Variants in HERC2 observed in about 807,000 individuals in gnomAD.
The protein encoded by HERC2 is E3 ubiquitin-protein ligase HERC2.
A neutral mutation model predicts 537.7 loss-of-function variants in HERC2; 102 were observed. The observed-to-expected ratio is 0.19, with a 90% CI of 0.16 to 0.22. The LOEUF is 0.22. Among genes scored for constraint, HERC2 ranks in the 10% least tolerant of loss-of-function variants. The pLI is 1.00. For missense variants in HERC2, 4,236 were observed against 6,198.2 expected (o/e 0.68, Z 10.63); for synonymous variants, 2,224 against 2,466.2 (o/e 0.90, Z 2.91).
intron 35 of HERC2, among the ~76,000 whole-genome samples, chr15:28,227,168 G>A (rs557949741): frequency 7.2e-5 from 11 of 152,220 alleles, no homozygotes; most frequent in South Asian, 2.1e-4. Context: ...CCAGCTACTC[G>A]GGAGGCTGAG....
chr15:28,215,687 C>A lies in HERC2; in HGVS notation c.6144G>T (p.Trp2048Cys), dbSNP rs1485095501. ...QVCGALSSPQ[W>C]ITLLMKVVEG... ...CCACGACCTTCATGAGCAGCGTGATCCACTGCGGGGAGCTGAGGGCGCCGC... is the reference window on the plus strand; with the variant it reads ...CCACGACCTTCATGAGCAGCGTGATACACTGCGGGGAGCTGAGGGCGCCGC... The change falls in exon 39 of 93, where the codon TGG (tryptophan) becomes TGT (cysteine). Residue 2048 changes from tryptophan (W) to cysteine (C), a missense_variant. By Grantham distance (215) the Trp-to-Cys change is radical (BLOSUM62 -2). This residue lies in a region of HERC2 where 365 missense variants were observed against 468.8 expected (regional missense o/e 0.78). Coordinates refer to ENST00000261609, the MANE Select transcript of HERC2 (RefSeq NM_004667.6). 3.1e-6 allele frequency: 5 copies of A among 1,611,992 alleles called. No individual in the cohort carries two copies. The highest frequency in any genetic ancestry group is 4.2e-6 in the Non-Finnish European group (5 of 1,179,810).
At chr15:28,241,876 T>A (rs531668467) in intron 23 of HERC2, among the ~76,000 whole-genome samples, 1 of 152,100 alleles carries the variant, frequency 6.6e-6, no homozygotes, top group Non-Finnish European at 1.5e-5. Flanking sequence ...CACACCCACA[T>A]TCATAGCAGC....
Position 28,174,476 on chromosome 15 carries a change from T to C in HERC2, c.9976A>G (p.Thr3326Ala), listed in dbSNP as rs1439861840. 6.2e-7 allele frequency: 1 copy of C among 1,613,976 alleles called. No individual in the cohort carries two copies. The highest frequency in any genetic ancestry group is 1.1e-5 in the South Asian group (1 of 91,076). ...CGSSHSVAWT[T>A]VDVATPSVHE... ...ACAGAGGGCGTGGCCACATCCACAG[T>C]TGTCCACGCCACACTGTGGGACGAC... is the stretch of plus-strand genomic sequence containing the variant. The change falls in exon 65 of 93, where the codon ACT (threonine) becomes GCT (alanine). Residue 3326 changes from threonine (T) to alanine (A), a missense_variant. Coordinates refer to ENST00000261609, the MANE Select transcript of HERC2 (RefSeq NM_004667.6).
Position 28,176,417 on chromosome 15 carries a change from C to T in HERC2, c.9686+11G>A, listed in dbSNP as rs778139590. ...AGCACACACAGTGTGACAGGGAGGA[C>T]GTTTACGTACCATGTCCACACCACT... On this transcript the variant is annotated intron_variant, in intron 63 of 92. Transcript: ENST00000261609. This position sits in a 1 kb window ranked among gnomAD's most constrained non-coding sequence, Gnocchi z 5.0. 1.2e-5 allele frequency: 20 copies of T among 1,613,356 alleles called. No homozygotes were observed. Among genetic ancestry groups the T allele is most frequent in the Admixed American group, 1.7e-5 (1 of 59,978 alleles).
At chr15:28,232,409 G>A (rs941037743) in intron 30 of HERC2, among the ~76,000 whole-genome samples, 6 of 151,976 alleles carry the variant, frequency 3.9e-5, no homozygotes, top group African/African-American at 9.7e-5. Context: ...GAGTGGTGGC[G>A]GGTGCCTGTA....
At chr15:28,123,496 C>A (rs2142099793) in intron 85 of HERC2, among the ~76,000 whole-genome samples, 1 of 152,334 alleles carries the variant, frequency 6.6e-6, no homozygotes, top group African/African-American at 2.4e-5. Flanking sequence ...AGGTCAAAAC[C>A]TGCCTGGTGA....
At position 28,266,151 on chromosome 15, in the gene HERC2, C is replaced by T. The variant is rs145457557; in HGVS notation, c.1599-177G>A. On this transcript the variant is annotated intron_variant, in intron 12 of 92. Coordinates refer to ENST00000261609, the MANE Select transcript of HERC2 (RefSeq NM_004667.6). ...ATTCCAACACCTAACACCTCCATGA[C>T]TTTTTGTTCAGTTGGAACCCGATGC... 3.9e-3 allele frequency among the ~76,000 whole-genome samples: 600 copies of T among 152,274 alleles called. 4 individuals carry two copies. The highest frequency in any genetic ancestry group is 0.014 in the African/African-American group (569 of 41,548).
intron 27 of HERC2, 113 bp from the exon 28 acceptor site, chr15:28,233,909 G>T: frequency 1.2e-6 from 1 of 818,098 alleles, no homozygotes; most frequent in South Asian, 1.6e-5. Flanking sequence ...CTGAAGCCTC[G>T]CTAGCATGTT....
chr15:28,257,281 T>G lies in HERC2; in HGVS notation c.2317-20A>C. The stretch of plus-strand genomic sequence containing the variant: ...AAAGCTCTAAGAGGAAACGCAACAA[T>G]CTAAAATGAATCTCCAAATGCAGCT... On this transcript the variant is annotated intron_variant, in intron 16 of 92. Coordinates refer to ENST00000261609, the MANE Select transcript of HERC2 (RefSeq NM_004667.6). The G allele has an allele frequency of 1.2e-6, 2 of 1,607,590 alleles. No individual in the cohort carries two copies. The highest frequency in any genetic ancestry group is 1.7e-6 in the Non-Finnish European group (2 of 1,175,002).
At chr15:28,211,604 G>A (rs1899242648) in intron 43 of HERC2, among the ~76,000 whole-genome samples, 1 of 152,062 alleles carries the variant, frequency 6.6e-6, no homozygotes, top group African/African-American at 2.4e-5. Context: ...CAGAGAGCAT[G>A]GGGTGGGAAG....
intron 4 of HERC2, among the ~76,000 whole-genome samples, chr15:28,290,085 G>A (rs1162001129): frequency 6.6e-6 from 1 of 152,224 alleles, no homozygotes; most frequent in East Asian, 1.9e-4. Flanking sequence ...GCACACAAGT[G>A]AGGATATAAC....
chr15:28,281,532 C>T (rs2076019672), intron 4 of HERC2, among the ~76,000 whole-genome samples: 1 of 152,150 alleles, frequency 6.6e-6, no homozygotes, highest in Admixed American at 6.6e-5. Context: ...TTCTGGCTAC[C>T]CACTACCTGG....
intron 19 of HERC2, among the ~76,000 whole-genome samples, chr15:28,255,027 C>T (rs558312130): frequency 6.6e-6 from 1 of 152,322 alleles, no homozygotes; most frequent in African/African-American, 2.4e-5. Flanking sequence ...ACAACCGTGG[C>T]AGCTCTACAT....
chr15:28,179,338 T>C (rs996532978), intron 57 of HERC2, 115 bp from the exon 58 acceptor site: 6 of 803,060 alleles, frequency 7.5e-6, no homozygotes, highest in Non-Finnish European at 1.0e-5. Flanking sequence ...CTGTGTAACA[T>C]TTCACTCAAC....
chr15:28,234,561 T>C (rs1444750417), intron 26 of HERC2, among the ~76,000 whole-genome samples: 2 of 124,596 alleles, frequency 1.6e-5, no homozygotes, highest in African/African-American at 5.9e-5. Context: ...ACCTGTGCTC[T>C]GCCTGCAGCT....
chr15:28,212,711 G>A (rs1056737577), intron 42 of HERC2, 128 bp from the exon 43 acceptor site: 4 of 1,057,706 alleles, frequency 3.8e-6, no homozygotes, highest in Non-Finnish European at 4.1e-6. Flanking sequence ...TTATAGCTGA[G>A]AATAATCATT....
At position 28,268,845 on chromosome 15, in the gene HERC2, G is replaced by A. The variant is rs375754511; in HGVS notation, c.1447-229C>T. On this transcript the variant is annotated intron_variant, in intron 11 of 92. Coordinates refer to ENST00000261609, the MANE Select transcript of HERC2 (RefSeq NM_004667.6). This position sits in a 1 kb window ranked among gnomAD's most constrained non-coding sequence, Gnocchi z 4.7. ...CAAGACCAGAGCCGATGCAGGGGCAGGGCAGGCTAGCCCCATGCCACAGAG... is the reference window on the plus strand; with the variant it reads ...CAAGACCAGAGCCGATGCAGGGGCAAGGCAGGCTAGCCCCATGCCACAGAG... 2.0e-5 allele frequency among the ~76,000 whole-genome samples: 3 copies of A among 152,164 alleles called. No homozygotes were observed. The highest frequency in any genetic ancestry group is 3.9e-4 in the East Asian group (2 of 5,178).
chr15:28,266,957 T>C (rs2075585776), intron 12 of HERC2, among the ~76,000 whole-genome samples: 1 of 152,206 alleles, frequency 6.6e-6, no homozygotes, highest in Admixed American at 6.5e-5. Context: ...GTTAAATGAA[T>C]GTGGATGGAA....
chr15:28,229,371 G>T (rs1263040381), intron 33 of HERC2, 25 bp from the exon 34 acceptor site: 1 of 1,613,058 alleles, frequency 6.2e-7, no homozygotes, highest in Admixed American at 1.7e-5. Flanking sequence ...TAAAGAATTT[G>T]ACTTGGGACA....
Sources: allele counts gnomAD v4.1 joint callset (sites outside exome capture counted in the v4.1 genomes callset), GRCh38; gene constraint gnomAD v4.1.1; regional missense constraint gnomAD v4.1.1; non-coding constraint Gnocchi (gnomAD v3.1); transcripts MANE v1.5; gene names NCBI Gene and HGNC (gene_info 2026-07-23, HGNC 2026-07-21).